CFAP54: variants seen among roughly 807,000 people sequenced by gnomAD.
CFAP54 encodes the protein cilia- and flagella-associated protein 54.
CFAP54 carries 290 observed loss-of-function variants against 370.4 expected under a neutral mutation model. That is an observed-to-expected ratio of 0.78 (90% CI 0.71 to 0.86). The LOEUF (loss-of-function observed/expected upper bound fraction) is 0.86, where lower values mean the gene tolerates loss of function less well. Among genes scored for constraint, CFAP54 ranks in the 40% least tolerant of loss-of-function variants. The pLI, the probability that CFAP54 is intolerant of heterozygous loss-of-function variation, is 0.00. For missense variants in CFAP54, 3,399 were observed against 3,528.7 expected, an observed-to-expected ratio of 0.96 and a Z score of 0.93; for synonymous variants, 1,206 against 1,236.5, an observed-to-expected ratio of 0.98 and a Z score of 0.52.
chr12:96,872,162 A>C (rs1212361117), intron 67 of CFAP54, among the ~76,000 whole-genome samples: 1 of 152,196 alleles, frequency 6.6e-6, no homozygotes, highest in African/African-American at 2.4e-5. Context: ...CAAAAATAGG[A>C]AAAACATATT....
At chr12:96,641,965 T>C (rs1013184662) in intron 32 of CFAP54, among the ~76,000 whole-genome samples, 10 of 151,226 alleles carry the variant, frequency 6.6e-5, no homozygotes, top group African/African-American at 1.5e-4. Flanking sequence ...CATTAGGAGA[T>C]ATACCTGATG....
chr12:96,744,847 C>T (rs1958094379), intron 55 of CFAP54, among the ~76,000 whole-genome samples: 2 of 152,136 alleles, frequency 1.3e-5, no homozygotes, highest in Admixed American at 1.3e-4. Context: ...TGATGCTCTC[C>T]CTTGCTCTAC....
intron 26 of CFAP54, among the ~76,000 whole-genome samples, chr12:96,606,451 GT>G (rs1956301925): frequency 6.6e-6 from 1 of 152,134 alleles, no homozygotes. Flanking sequence ...CGTGTTTTGT[GT>G]TTGTTACAAA....
At chr12:96,569,551 A>G (rs1192510439) in intron 19 of CFAP54, among the ~76,000 whole-genome samples, 2 of 152,174 alleles carry the variant, frequency 1.3e-5, no homozygotes, top group East Asian at 3.8e-4. Context: ...TGTCCAAGCC[A>G]GGTTTTCCAG....
intron 2 of CFAP54, among the ~76,000 whole-genome samples, chr12:96,503,347 C>T (rs1955053572): frequency 7.2e-6 from 1 of 139,354 alleles, no homozygotes; most frequent in Admixed American, 7.5e-5. Context: ...TCCTTCCTTC[C>T]TGCCTTCCTC....
intron 36 of CFAP54, among the ~76,000 whole-genome samples, chr12:96,652,948 A>G (rs1455573197): frequency 1.3e-5 from 2 of 152,260 alleles, no homozygotes; most frequent in East Asian, 3.8e-4. Context: ...CATGTCAATC[A>G]TAAATATGTA....
intron 4 of CFAP54, among the ~76,000 whole-genome samples, chr12:96,507,746 G>C (rs963703494): frequency 6.6e-6 from 1 of 152,068 alleles, no homozygotes; most frequent in Admixed American, 6.6e-5. Context: ...TAACTTCAAG[G>C]AAACATATTG....
intron 8 of CFAP54, 79 bp downstream of exon 8, chr12:96,522,268 A>G: frequency 1.1e-6 from 1 of 947,630 alleles, no homozygotes; most frequent in South Asian, 1.7e-5. Context: ...TTTCAAGCCT[A>G]GTCACTCATT....
chr12:96,756,299 A>G (rs1315793822), intron 56 of CFAP54, among the ~76,000 whole-genome samples, 159 bp from the exon 57 acceptor site: 6 of 152,164 alleles, frequency 3.9e-5, no homozygotes, highest in Admixed American at 1.3e-4. Flanking sequence ...GAAGGAGGCA[A>G]TGGATCTTTC....
At chr12:96,846,671 A>T (rs1959357344) in intron 66 of CFAP54, among the ~76,000 whole-genome samples, 1 of 152,140 alleles carries the variant, frequency 6.6e-6, no homozygotes, top group African/African-American at 2.4e-5. Flanking sequence ...GCATATGCCC[A>T]TGGTGGAGGT....
chr12:96,594,549 G>T (rs1180657446), intron 25 of CFAP54, 103 bp downstream of exon 25: 2 of 793,106 alleles, frequency 2.5e-6, no homozygotes, highest in Admixed American at 3.1e-5. Flanking sequence ...AGGGCAAATA[G>T]GTCAGGAATC....
chr12:96,726,039 G>A (rs1479222909), intron 50 of CFAP54, among the ~76,000 whole-genome samples: 659 of 133,424 alleles, frequency 4.9e-3, no homozygotes, highest in African/African-American at 6.7e-3. Context: ...CTTGATCATG[G>A]TGGATAAGCT....
At chr12:96,628,555 G>C (rs1431100895) in intron 30 of CFAP54, among the ~76,000 whole-genome samples, 3 of 152,180 alleles carry the variant, frequency 2.0e-5, no homozygotes, top group African/African-American at 4.8e-5. Flanking sequence ...ATGGAAGGCA[G>C]TCTTAGGCTG....
At chr12:96,592,452 A>G in intron 23 of CFAP54, 38 bp from the exon 24 acceptor site, 1 of 431,060 alleles carries the variant, frequency 2.3e-6, no homozygotes, top group Non-Finnish European at 4.1e-6. Context: ...CTGCTAAATC[A>G]ATTTATATTT....
intron 24 of CFAP54, among the ~76,000 whole-genome samples, 153 bp downstream of exon 24, chr12:96,592,790 A>G (rs991925830): frequency 2.6e-5 from 4 of 152,180 alleles, no homozygotes; most frequent in African/African-American, 9.6e-5. Context: ...GATATTTCAT[A>G]TAAGTTTCAC....
intron 66 of CFAP54, among the ~76,000 whole-genome samples, chr12:96,848,683 C>T (rs1374434110): frequency 5.9e-5 from 9 of 152,058 alleles, no homozygotes; most frequent in Admixed American, 2.0e-4. Flanking sequence ...GGCAACAGAA[C>T]GAGACTCCGT....
chr12:96,811,498 T>C (rs1280760939), intron 63 of CFAP54, among the ~76,000 whole-genome samples: 1 of 152,178 alleles, frequency 6.6e-6, no homozygotes, highest in East Asian at 1.9e-4. Flanking sequence ...ATACAAAATG[T>C]CACTCTTCAA....
At chr12:96,724,888 C>G (rs755061057) in intron 50 of CFAP54, among the ~76,000 whole-genome samples, 80 of 152,138 alleles carry the variant, frequency 5.3e-4, no homozygotes, top group Non-Finnish European at 1.0e-3. Context: ...TCAGCTTTCT[C>G]CATATAGCTA....
chr12:96,662,339 G>A (rs1957004705), intron 38 of CFAP54, among the ~76,000 whole-genome samples: 1 of 152,022 alleles, frequency 6.6e-6, no homozygotes, highest in Non-Finnish European at 1.5e-5. Context: ...TGAGTACCTG[G>A]GATTACAGGT....
Sources: gnomAD v4.1 joint callset for allele counts (sites outside exome capture counted in the v4.1 genomes callset) on GRCh38, gnomAD v4.1.1 for gene constraint, MANE v1.5 for transcripts, NCBI Gene and HGNC (gene_info 2026-07-23, HGNC 2026-07-21) for gene names.